SPRED2: variants seen among roughly 807,000 people sequenced by gnomAD.
The protein encoded by SPRED2 is sprouty-related, EVH1 domain-containing protein 2.
A neutral mutation model predicts 43.0 loss-of-function variants in SPRED2; 47 were observed. That is an observed-to-expected ratio of 1.09 (90% CI 0.87 to 1.40). The LOEUF (loss-of-function observed/expected upper bound fraction) is 1.40, where lower values mean the gene tolerates loss of function less well. SPRED2 is among the 40% of genes most tolerant of loss of function. The probability of loss-of-function intolerance (pLI) is 0.00; values close to 1 mark genes in which losing one functional copy is unlikely to be tolerated. For synonymous variants in SPRED2, 225 were observed against 225.7 expected, an observed-to-expected ratio of 1.00 and a Z score of 0.03; for missense variants, 561 against 586.4, an observed-to-expected ratio of 0.96 and a Z score of 0.45.
downstream of SPRED2, among the ~76,000 whole-genome samples, chr2:65,309,525 A>G (rs1171359166): frequency 6.6e-6 from 1 of 151,404 alleles, no homozygotes; most frequent in African/African-American, 2.4e-5. Context: ...AAAAAAAAAA[A>G]AAGGATATAA....
rs183695154 is a variant in SPRED2, at chr2:65,311,565, G to A, written c.*1936C>T. 2.4e-3 allele frequency: 2,391 copies of A among 985,852 alleles called. 2 individuals carry two copies. Among genetic ancestry groups the A allele is most frequent in the Non-Finnish European group, 2.7e-3 (2,275 of 829,934 alleles). The allele number at this position is 985,852 out of a possible 1,614,324, so 61.1% of individuals were successfully genotyped here. The stretch of plus-strand genomic sequence containing the variant: ...AGAAAGACCCCAAGGAAGTGCCTCC[G>A]GGTCGGGGGAAGGTGGTCTCTCGAC... On this transcript the variant is annotated 3_prime_UTR_variant, in exon 6 of 6. Coordinates refer to ENST00000356388, the MANE Select transcript of SPRED2 (RefSeq NM_181784.3).
chr2:65,329,519 C>T (rs925164), intron 4 of SPRED2, among the ~76,000 whole-genome samples: 86,220 of 151,848 alleles, frequency 0.57, 24,942 homozygotes, highest in East Asian at 0.82. Flanking sequence ...TGCAAGTGCC[C>T]GGAAGCAGCA....
chr2:65,393,394 C>G (rs1675683455), intron 1 of SPRED2, among the ~76,000 whole-genome samples: 1 of 150,194 alleles, frequency 6.7e-6, no homozygotes, highest in Non-Finnish European at 1.5e-5. Flanking sequence ...TGCAGTGGCA[C>G]AATCTCGGCT....
intron 1 of SPRED2, chr2:65,373,589 CCAAA>C (rs1384385026): frequency 5.3e-5 from 8 of 152,340 alleles, no homozygotes; most frequent in South Asian, 2.1e-4. Flanking sequence ...GACTTTTATC[CCAAA>C]CAAAGACCCA....
At chr2:65,374,473 CATT>C (rs1224058382) in intron 1 of SPRED2, among the ~76,000 whole-genome samples, 1 of 152,224 alleles carries the variant, frequency 6.6e-6, no homozygotes, top group Non-Finnish European at 1.5e-5. Context: ...ATTCTAAACT[CATT>C]GTTCCTTACT....
chr2:65,419,273 C>T (rs1045459878), intron 1 of SPRED2, among the ~76,000 whole-genome samples: 2 of 152,158 alleles, frequency 1.3e-5, no homozygotes, highest in African/African-American at 4.8e-5. Flanking sequence ...GATTCACTCC[C>T]CTAACTCTTC....
intron 1 of SPRED2, among the ~76,000 whole-genome samples, chr2:65,397,030 G>A (rs1196194960): frequency 6.6e-6 from 1 of 152,062 alleles, no homozygotes; most frequent in East Asian, 1.9e-4. Context: ...TCTGCCATAT[G>A]CCAAATTCTT....
At chr2:65,331,577 G>A (rs933182447) in intron 4 of SPRED2, among the ~76,000 whole-genome samples, 1 of 152,218 alleles carries the variant, frequency 6.6e-6, no homozygotes, top group Admixed American at 6.5e-5. Flanking sequence ...AGGGAGGGAA[G>A]CGTGTTCACA....
intron 1 of SPRED2, among the ~76,000 whole-genome samples, chr2:65,377,140 CTTT>C (rs1675259552): frequency 6.6e-6 from 1 of 152,164 alleles, no homozygotes; most frequent in African/African-American, 2.4e-5. Flanking sequence ...GTTTTCCAAA[CTTT>C]TTGCTGTTAA....
chr2:65,431,828 C>CA (rs2103832047), intron 1 of SPRED2, 134 bp downstream of exon 1: 1 of 1,104,190 alleles, frequency 9.1e-7, no homozygotes, highest in South Asian at 1.3e-5. Context: ...CCTCGCGTCC[C>CA]AACGCCGAAA....
intron 1 of SPRED2, among the ~76,000 whole-genome samples, chr2:65,345,293 C>T (rs1358086191): frequency 7.3e-5 from 7 of 96,262 alleles, no homozygotes; most frequent in East Asian, 4.7e-4. Context: ...GACGGAGTTT[C>T]GCTCTTGTTG....
chr2:65,334,571 A>G, intron 3 of SPRED2, 34 bp downstream of exon 3: 1 of 1,600,070 alleles, frequency 6.2e-7, no homozygotes, highest in Non-Finnish European at 8.5e-7. Flanking sequence ...ACATTTCCAT[A>G]GTCCCACTAA....
rs1335494166 is a variant in SPRED2 at position 65,312,104 on chromosome 2, AG to A, written c.*1396del. 2.0e-6 allele frequency: 2 copies of A among 985,488 alleles called. No individual in the cohort carries two copies. Among genetic ancestry groups the A allele is most frequent in the Non-Finnish European group, 1.2e-6 (1 of 829,934 alleles). 61.0% of individuals were successfully genotyped at this position (985,488 alleles called of 1,614,324 possible). On this transcript the variant is annotated 3_prime_UTR_variant, in exon 6 of 6. Coordinates refer to ENST00000356388, the MANE Select transcript of SPRED2 (RefSeq NM_181784.3). ...CACTTTTCTTCTTTCTTCAATAAGAAGATTTGGCTAATCCTTGCAACGTATT... is the reference window on the plus strand; with the variant it reads ...CACTTTTCTTCTTTCTTCAATAAGAAATTTGGCTAATCCTTGCAACGTATT...
intron 1 of SPRED2, among the ~76,000 whole-genome samples, chr2:65,393,077 G>C (rs949920810): frequency 6.6e-6 from 1 of 152,152 alleles, no homozygotes; most frequent in Non-Finnish European, 1.5e-5. Flanking sequence ...CTTACAAAAA[G>C]TTGTTGCTAC....
At chr2:65,333,574 G>A (rs1006519685) in intron 3 of SPRED2, among the ~76,000 whole-genome samples, 2 of 152,196 alleles carry the variant, frequency 1.3e-5, no homozygotes, top group East Asian at 1.9e-4. Context: ...CAATGCGAAC[G>A]TCTATCAATA....
intron 4 of SPRED2, among the ~76,000 whole-genome samples, chr2:65,322,177 A>G (rs1295436168): frequency 6.7e-6 from 1 of 149,400 alleles, no homozygotes; most frequent in African/African-American, 2.5e-5. Flanking sequence ...TTATGAAACT[A>G]GATTTTTCTA....
At chr2:65,426,004 C>G (rs1481090212) in intron 1 of SPRED2, among the ~76,000 whole-genome samples, 1 of 152,220 alleles carries the variant, frequency 6.6e-6, no homozygotes. Context: ...TATTGGAGTT[C>G]ATCAGCACAG....
chr2:65,359,570 C>T (rs894602081), intron 1 of SPRED2, among the ~76,000 whole-genome samples: 6 of 152,064 alleles, frequency 3.9e-5, no homozygotes, highest in African/African-American at 1.4e-4. Flanking sequence ...GCTTTCCTGG[C>T]CATCACCAAC....
intron 1 of SPRED2, among the ~76,000 whole-genome samples, chr2:65,380,837 A>G (rs1329383200): frequency 1.1e-5 from 1 of 87,798 alleles, no homozygotes; most frequent in Non-Finnish European, 2.4e-5. Context: ...TTGCCTTAAA[A>G]CAACAAAAAA....
Sources: gnomAD v4.1 joint callset for allele counts (sites outside exome capture counted in the v4.1 genomes callset) on GRCh38, gnomAD v4.1.1 for gene constraint, MANE v1.5 for transcripts, NCBI Gene and HGNC (gene_info 2026-07-23, HGNC 2026-07-21) for gene names.